FER1L6: variants seen among roughly 807,000 people sequenced by gnomAD.
FER1L6 encodes the protein fer-1-like protein 6.
FER1L6 carries 177 observed loss-of-function variants against 219.2 expected under a neutral mutation model. The observed-to-expected ratio is 0.81, with a 90% CI of 0.71 to 0.91. FER1L6 has a LOEUF of 0.91. FER1L6 is among the 40% of genes least tolerant of loss of function. FER1L6 has a pLI of 0.00. For missense variants in FER1L6, 2,153 were observed against 2,259.9 expected (o/e 0.95, Z 0.96); for synonymous variants, 768 against 824.3 (o/e 0.93, Z 1.17).
rs1822531079 is a variant in FER1L6 at position 124,101,100 on chromosome 8, G to A, written c.4887G>A (p.Trp1629Ter). ...QKSSDIYVKG[W>*]LKGLEDDKQE... The stretch of plus-strand genomic sequence containing the variant: ...ATTATTTTGAATCTATTTTTAGGTG[G>A]TTAAAGGGCTTGGAGGATGACAAGC... Residue 1629 changes from tryptophan (W) to a stop codon, truncating the protein, a stop_gained, in exon 38 of 41, where the codon TGG becomes TGA. Transcript: ENST00000522917. LOFTEE classifies it high-confidence loss of function. 6.2e-7 allele frequency: 1 copy of A among 1,613,608 alleles called. No individual in the cohort carries two copies. Among genetic ancestry groups the A allele is most frequent in the African/African-American group, 1.3e-5 (1 of 74,950 alleles).
chr8:124,007,589 T>G (rs1817721215), intron 13 of FER1L6, among the ~76,000 whole-genome samples: 1 of 152,252 alleles, frequency 6.6e-6, no homozygotes, highest in South Asian at 2.1e-4. Context: ...TCTCTCACAC[T>G]GTTAACTGCC....
intron 39 of FER1L6, among the ~76,000 whole-genome samples, chr8:124,112,157 T>G (rs765117605): frequency 6.6e-6 from 1 of 152,222 alleles, no homozygotes. Context: ...AGACATTCTC[T>G]AATTCCAACT....
At chr8:123,888,731 C>T (rs906296747) in intron 1 of FER1L6, among the ~76,000 whole-genome samples, 6 of 152,162 alleles carry the variant, frequency 3.9e-5, no homozygotes, top group East Asian at 1.9e-4. Flanking sequence ...TGAACATGTT[C>T]GTAGACTGGT....
At position 123,980,502 on chromosome 8, in the gene FER1L6, G is replaced by T. The variant is rs1001443229; in HGVS notation, c.1101G>T (p.Leu367=). The part of the protein sequence containing the change: ...LPTFGPAWIN[L]YGSPRNHSLM... ...CCTTTGGGCCTGCCTGGATTAACCT[G>T]TATGGCTCGCCCAGGAACCACAGTC... Residue 367 remains leucine (L), a synonymous_variant, in exon 11 of 41, where the codon CTG becomes CTT. Transcript: ENST00000522917. 3.1e-6 allele frequency: 5 copies of T among 1,613,992 alleles called. No homozygotes were observed. Among genetic ancestry groups the T allele is most frequent in the Middle Eastern group, 1.6e-4 (1 of 6,082 alleles).
intron 1 of FER1L6, among the ~76,000 whole-genome samples, chr8:123,925,267 C>A (rs1813520021): frequency 6.6e-6 from 1 of 152,184 alleles, no homozygotes; most frequent in Non-Finnish European, 1.5e-5. Context: ...CTCTGCCTCC[C>A]TGTAGCTCTG....
At chr8:124,005,184 C>T (rs1020562633) in intron 13 of FER1L6, among the ~76,000 whole-genome samples, 3 of 152,184 alleles carry the variant, frequency 2.0e-5, no homozygotes, top group African/African-American at 7.2e-5. Flanking sequence ...AACAACACCT[C>T]CTACCTGGTT....
At chr8:123,876,094 G>A (rs1817000209) in intron 1 of FER1L6, among the ~76,000 whole-genome samples, 1 of 152,162 alleles carries the variant, frequency 6.6e-6, no homozygotes, top group Non-Finnish European at 1.5e-5. Flanking sequence ...CACTCTGCAA[G>A]GCCCTCTGCA....
At chr8:123,903,743 C>T (rs1455695027) in intron 1 of FER1L6, among the ~76,000 whole-genome samples, 1 of 152,120 alleles carries the variant, frequency 6.6e-6, no homozygotes, top group Non-Finnish European at 1.5e-5. Flanking sequence ...CCGTTTCATA[C>T]TGTAGAATGT....
chr8:123,976,370 C>T (rs1211492533), intron 9 of FER1L6, among the ~76,000 whole-genome samples: 4 of 151,984 alleles, frequency 2.6e-5, no homozygotes, highest in Non-Finnish European at 5.9e-5. Flanking sequence ...TGGGCGTGGG[C>T]GTGGTGGTGC....
At chr8:124,006,776 C>A (rs1817672246) in intron 13 of FER1L6, among the ~76,000 whole-genome samples, 1 of 152,164 alleles carries the variant, frequency 6.6e-6, no homozygotes, top group South Asian at 2.1e-4. Flanking sequence ...AACAGCACAG[C>A]ACCTTGCCAT....
chr8:124,017,554 A>G (rs1818254059), intron 15 of FER1L6, 74 bp from the exon 16 acceptor site: 4 of 1,183,138 alleles, frequency 3.4e-6, no homozygotes, highest in Non-Finnish European at 5.0e-6. Context: ...CAGAAACAAT[A>G]TTTGCAAACC....
chr8:123,953,076 G>A lies in FER1L6; in HGVS notation c.-7-2916G>A, dbSNP rs540397569. Among the ~76,000 whole-genome samples the A allele has an allele frequency of 2.2e-4, 34 of 152,282 alleles. 1 individual carries two copies. In the South Asian group the frequency reaches 6.8e-3, roughly 31 times the overall value. On this transcript the variant is annotated intron_variant, in intron 1 of 40. Coordinates refer to ENST00000522917, the MANE Select transcript of FER1L6 (RefSeq NM_001039112.2). ...GGGTTCATTTTCTACCTCCCAATCTGCCAGTGGCACCATCATTCTGGGCTG... is the reference window on the plus strand; with the variant it reads ...GGGTTCATTTTCTACCTCCCAATCTACCAGTGGCACCATCATTCTGGGCTG...
intron 1 of FER1L6, among the ~76,000 whole-genome samples, chr8:123,880,124 C>T (rs7827969): frequency 1 from 152,080 of 152,244 alleles, 75,958 homozygotes; most frequent in Middle Eastern, 1. Flanking sequence ...ATTTTCTTGG[C>T]AAGAAATTCC....
intron 2 of FER1L6, among the ~76,000 whole-genome samples, chr8:123,957,107 C>T (rs1221145445): frequency 2.6e-5 from 4 of 152,352 alleles, no homozygotes; most frequent in South Asian, 2.1e-4. Flanking sequence ...TTAATCTTCA[C>T]TCCTCTTGTC....
In FER1L6 at chr8:124,049,695, A is replaced by AC; in HGVS notation, c.2817dup (p.Ile940HisfsTer16). 1 of 1,613,884 alleles carries AC rather than the reference A, an allele frequency of 6.2e-7. No homozygotes were observed. The highest frequency in any genetic ancestry group is 1.1e-5 in the South Asian group (1 of 91,068). ...TATGAGCCCCCCAGGTTATGCTATCACCCCATCTTTTGTGGGAATCTCTCT... is the reference window on the plus strand; with the variant it reads ...TATGAGCCCCCCAGGTTATGCTATCACCCCCATCTTTTGTGGGAATCTCTCT... On this transcript the variant is annotated frameshift_variant, in exon 22 of 41. Coordinates refer to ENST00000522917, the MANE Select transcript of FER1L6 (RefSeq NM_001039112.2). LOFTEE classifies it high-confidence loss of function.
At chr8:123,989,888 C>CTTTATGATATAATGACCT (rs1432975192) in intron 12 of FER1L6, among the ~76,000 whole-genome samples, 2 of 152,172 alleles carry the variant, frequency 1.3e-5, no homozygotes, top group Non-Finnish European at 2.9e-5. Context: ...ATGCAGGAGT[C>CTTTATGATATAATGACCT]TTTATGATAT....
intron 7 of FER1L6, 120 bp downstream of exon 7, chr8:123,973,632 A>T: frequency 1.3e-6 from 1 of 763,538 alleles, no homozygotes; most frequent in South Asian, 1.5e-5. Context: ...AGCACCAGTT[A>T]TACAAAGTTG....
chr8:124,085,814 T>TG (rs1379426690), intron 33 of FER1L6, among the ~76,000 whole-genome samples: 9 of 152,084 alleles, frequency 5.9e-5, no homozygotes, highest in African/African-American at 2.2e-4. Flanking sequence ...GTGCTGAAAA[T>TG]TGGGTGTTGA....
At chr8:123,956,399 A>G (rs1160412941) in intron 2 of FER1L6, among the ~76,000 whole-genome samples, 1 of 152,184 alleles carries the variant, frequency 6.6e-6, no homozygotes, top group African/African-American at 2.4e-5. Flanking sequence ...TATCTAATGT[A>G]ATGATGTGGG....
Sources: allele counts gnomAD v4.1 joint callset (sites outside exome capture counted in the v4.1 genomes callset), GRCh38; gene constraint gnomAD v4.1.1; transcripts MANE v1.5; gene names NCBI Gene and HGNC (gene_info 2026-07-23, HGNC 2026-07-21).